CDH4: variants seen among roughly 807,000 people sequenced by gnomAD.
The protein encoded by CDH4 is cadherin 4.
A neutral mutation model predicts 86.0 loss-of-function variants in CDH4; 33 were observed. The observed-to-expected ratio is 0.38, with a 90% CI of 0.29 to 0.51. The LOEUF (loss-of-function observed/expected upper bound fraction) is 0.51. CDH4 is among the 20% of genes least tolerant of loss of function. The probability of loss-of-function intolerance (pLI) is 0.86; values close to 1 mark genes in which losing one functional copy is unlikely to be tolerated. For missense variants in CDH4, 1,114 were observed against 1,307.4 expected (o/e 0.85, Z 2.28); for synonymous variants, 555 against 549.4 (o/e 1.01, Z -0.14).
intron 4 of CDH4, among the ~76,000 whole-genome samples, chr20:61,831,942 G>A (rs919662262): frequency 6.6e-6 from 1 of 152,218 alleles, no homozygotes; most frequent in Non-Finnish European, 1.5e-5. Flanking sequence ...TGGAAGCCTC[G>A]GGCCTGGGCA....
chr20:61,476,377 G>A (rs1410147368), intron 2 of CDH4, among the ~76,000 whole-genome samples: 2 of 152,032 alleles, frequency 1.3e-5, no homozygotes, highest in Non-Finnish European at 2.9e-5. Flanking sequence ...GTGTGTGCCC[G>A]TGTGTGTGCA....
intron 2 of CDH4, among the ~76,000 whole-genome samples, chr20:61,604,262 G>A (rs115630635): frequency 2.5e-3 from 388 of 152,384 alleles, no homozygotes; most frequent in African/African-American, 8.9e-3. Flanking sequence ...AGCTTCAGTC[G>A]AGGCCGAGAT....
At chr20:61,901,753 G>A (rs151215152) in intron 8 of CDH4, among the ~76,000 whole-genome samples, 7 of 152,370 alleles carry the variant, frequency 4.6e-5, no homozygotes, top group Admixed American at 1.3e-4. Flanking sequence ...CTCAGTGAAA[G>A]CATCAATCCC....
chr20:61,609,440 T>C (rs2086668516), intron 2 of CDH4, among the ~76,000 whole-genome samples: 1 of 152,200 alleles, frequency 6.6e-6, no homozygotes, highest in African/African-American at 2.4e-5. Context: ...GGTTGTTTTT[T>C]TTCTTTCCAG....
chr20:61,480,954 C>T lies in CDH4; in HGVS notation c.169+226017C>T, dbSNP rs912656541. 1.3e-5 allele frequency among the ~76,000 whole-genome samples: 2 copies of T among 152,272 alleles called. No individual in the cohort carries two copies. Among genetic ancestry groups the T allele is most frequent in the East Asian group, 1.9e-4 (1 of 5,180 alleles). On this transcript the variant is annotated intron_variant, in intron 2 of 15. Coordinates refer to ENST00000614565, the MANE Select transcript of CDH4 (RefSeq NM_001794.5). The surrounding 1 kb of genome is among the most constrained non-coding windows in gnomAD (Gnocchi z 5.2). ...TGCTACTGTTTATAAAGTGTGTCCA[C>T]GTTGATGATTCTGCTTGGTAGTCAG...
At chr20:61,547,794 G>A (rs779310377) in intron 2 of CDH4, among the ~76,000 whole-genome samples, 3 of 152,188 alleles carry the variant, frequency 2.0e-5, no homozygotes, top group Non-Finnish European at 4.4e-5. Context: ...ATCTGAAATC[G>A]TTTCCCATGC....
chr20:61,671,857 GATGA>G (rs796082917), intron 2 of CDH4, among the ~76,000 whole-genome samples: 2 of 149,322 alleles, frequency 1.3e-5, no homozygotes, highest in East Asian at 2.0e-4. Context: ...AAGGTGGATG[GATGA>G]ATGGATGGAT....
chr20:61,566,292 C>T (rs2086297483), intron 2 of CDH4, among the ~76,000 whole-genome samples: 1 of 152,202 alleles, frequency 6.6e-6, no homozygotes, highest in Admixed American at 6.5e-5. Context: ...TGTTTCTCGC[C>T]TTTCCGTTGC....
At chr20:61,527,342 C>T (rs759238364) in intron 2 of CDH4, among the ~76,000 whole-genome samples, 14 of 152,120 alleles carry the variant, frequency 9.2e-5, no homozygotes, top group Non-Finnish European at 1.6e-4. Flanking sequence ...CTCCACTTCC[C>T]GGGTTCAAGC....
rs530171202 is a variant in CDH4 at position 61,925,290 on chromosome 20, G to A, written c.1771+814G>A. Among the ~76,000 whole-genome samples the A allele has an allele frequency of 8.5e-5, 13 of 152,314 alleles. No homozygotes were observed. The East Asian group carries it at 2.5e-3, about 29-fold the overall frequency. Reference sequence around the variant, plus strand: ...GAACTGGCCGAGCCCCCCACGGGTCGCACGCTCTCAGAGGCATGGAGGCAG... The same window carrying A: ...GAACTGGCCGAGCCCCCCACGGGTCACACGCTCTCAGAGGCATGGAGGCAG... On this transcript the variant is annotated intron_variant, in intron 11 of 15. Coordinates refer to ENST00000614565, the MANE Select transcript of CDH4 (RefSeq NM_001794.5).
chr20:61,893,970 G>A (rs902465741), intron 7 of CDH4, among the ~76,000 whole-genome samples: 7 of 152,134 alleles, frequency 4.6e-5, no homozygotes, highest in African/African-American at 1.7e-4. Context: ...GAATCACACC[G>A]CTAGGAGCTG....
chr20:61,620,981 G>A (rs1396516714), intron 2 of CDH4, among the ~76,000 whole-genome samples: 1 of 152,244 alleles, frequency 6.6e-6, no homozygotes, highest in Non-Finnish European at 1.5e-5. Context: ...AAGTCAGGCT[G>A]TTTGCTCTCG....
At chr20:61,532,848 A>T (rs2145643534) in intron 2 of CDH4, among the ~76,000 whole-genome samples, 1 of 152,218 alleles carries the variant, frequency 6.6e-6, no homozygotes, top group South Asian at 2.1e-4. Flanking sequence ...AGCTGAAGCA[A>T]CACTCCTCTG....
At chr20:61,850,528 C>T (rs1364079313) in intron 5 of CDH4, among the ~76,000 whole-genome samples, 1 of 152,234 alleles carries the variant, frequency 6.6e-6, no homozygotes, top group African/African-American at 2.4e-5. Context: ...CACATCTGGA[C>T]AGTCATCTGT....
intron 2 of CDH4, among the ~76,000 whole-genome samples, chr20:61,692,728 T>C (rs1219607894): frequency 6.6e-6 from 1 of 152,232 alleles, no homozygotes; most frequent in Non-Finnish European, 1.5e-5. Flanking sequence ...TATGACTCCA[T>C]TTGCGGCTAC....
intron 3 of CDH4, among the ~76,000 whole-genome samples, chr20:61,749,641 G>GGA (rs2088463530): frequency 2.0e-5 from 3 of 147,652 alleles, no homozygotes; most frequent in African/African-American, 7.4e-5. Context: ...CCTTGGGCAG[G>GGA]AAAAAAAAAA....
intron 2 of CDH4, among the ~76,000 whole-genome samples, chr20:61,579,434 G>T (rs961459179): frequency 6.6e-6 from 1 of 151,924 alleles, no homozygotes; most frequent in Admixed American, 6.6e-5. Flanking sequence ...TTACAGGCAG[G>T]CATCACCATG....
intron 2 of CDH4, among the ~76,000 whole-genome samples, chr20:61,444,008 CTG>C (rs1185543425): frequency 1.4e-5 from 2 of 146,736 alleles, no homozygotes; most frequent in Middle Eastern, 3.8e-3. Context: ...GTGTCTATAT[CTG>C]TGTGTGTCTG....
In CDH4 at chr20:61,902,571, G is replaced by C. The variant is rs944258172; in HGVS notation, c.1188+7524G>C. On this transcript the variant is annotated intron_variant, in intron 8 of 15. Transcript: ENST00000614565. This position sits in a 1 kb window ranked among gnomAD's most constrained non-coding sequence, Gnocchi z 4.6. Reference sequence around the variant, plus strand: ...TCTGGAGAGTAAATGTTTGCGCTTTGGCTGCCGGAAGGTCTCCGTGGCAAC... The same window carrying C: ...TCTGGAGAGTAAATGTTTGCGCTTTCGCTGCCGGAAGGTCTCCGTGGCAAC... Among the ~76,000 whole-genome samples, 2 of 152,216 alleles carry C rather than the reference G, an allele frequency of 1.3e-5. No homozygotes were observed. The highest frequency in any genetic ancestry group is 4.8e-5 in the African/African-American group (2 of 41,450).
Sources: gnomAD v4.1 joint callset for allele counts (sites outside exome capture counted in the v4.1 genomes callset) on GRCh38, gnomAD v4.1.1 for gene constraint, Gnocchi (gnomAD v3.1) non-coding constraint, MANE v1.5 for transcripts, NCBI Gene and HGNC (gene_info 2026-07-23, HGNC 2026-07-21) for gene names.